The following METAP1D variants were observed in gnomAD, a reference collection of about 807,000 sequenced individuals.
METAP1D encodes the protein methionyl aminopeptidase type 1D, mitochondrial, also known as methionine aminopeptidase 1D, mitochondrial.
In METAP1D, 31 loss-of-function variants were observed where a neutral mutation model predicts 40.5. The observed-to-expected ratio is 0.77, with a 90% CI of 0.58 to 1.03. The LOEUF (loss-of-function observed/expected upper bound fraction) is 1.03, where lower values mean the gene tolerates loss of function less well. METAP1D is among the 50% of genes least tolerant of loss of function. The pLI is 0.00. For missense variants in METAP1D, 411 were observed against 420.7 expected (o/e 0.98, Z 0.20); for synonymous variants, 151 against 146.4 (o/e 1.03, Z -0.22).
chr2:172,070,690 T>G, intron 5 of METAP1D: 1 of 237,786 alleles, frequency 4.2e-6, no homozygotes, highest in South Asian at 8.8e-5. Context: ...CTAGTTAACA[T>G]AGTTGTTTTT....
chr2:172,048,191 A>G (rs747013862), intron 1 of METAP1D, among the ~76,000 whole-genome samples: 1 of 152,214 alleles, frequency 6.6e-6, no homozygotes, highest in South Asian at 2.1e-4. Flanking sequence ...TTTAAGTAGC[A>G]GCTCTGGGAC....
At chr2:172,061,036 G>A (rs749277900) in intron 1 of METAP1D, among the ~76,000 whole-genome samples, 26 of 152,122 alleles carry the variant, frequency 1.7e-4, no homozygotes, top group African/African-American at 5.8e-4. Flanking sequence ...CTCACTGCAC[G>A]TGAACTTAAC....
chr2:172,037,924 A>G (rs1689433779), intron 1 of METAP1D, among the ~76,000 whole-genome samples: 1 of 152,198 alleles, frequency 6.6e-6, no homozygotes, highest in Admixed American at 6.5e-5. Flanking sequence ...AAGAAGCTGA[A>G]GCAGCATGAG....
intron 1 of METAP1D, among the ~76,000 whole-genome samples, chr2:172,024,809 A>G (rs1689090729): frequency 6.7e-6 from 1 of 149,098 alleles, no homozygotes; most frequent in Non-Finnish European, 1.5e-5. Flanking sequence ...GAAGGGTCAA[A>G]AGGATAAGTT....
chr2:172,005,546 C>CT (rs373606194), intron 1 of METAP1D, among the ~76,000 whole-genome samples: 22,559 of 74,586 alleles, frequency 0.3, 3,558 homozygotes, highest in Non-Finnish European at 0.42. Context: ...ATATATATAT[C>CT]TTTTTTTTTT....
chr2:172,026,698 G>T (rs1689127647), intron 1 of METAP1D, among the ~76,000 whole-genome samples: 2 of 152,064 alleles, frequency 1.3e-5, no homozygotes, highest in African/African-American at 4.8e-5. Context: ...ATTTGTCCTA[G>T]TGTCCCCCAA....
chr2:172,075,985 A>T (rs1296280687), intron 6 of METAP1D, among the ~76,000 whole-genome samples: 1 of 152,206 alleles, frequency 6.6e-6, no homozygotes, highest in African/African-American at 2.4e-5. Context: ...ATGCTCTTAG[A>T]TATCTTTAGC....
At chr2:172,035,143 CTG>C (rs1260778612) in intron 1 of METAP1D, among the ~76,000 whole-genome samples, 4 of 111,132 alleles carry the variant, frequency 3.6e-5, no homozygotes, top group Non-Finnish European at 6.8e-5. Context: ...AACTACTGTA[CTG>C]TGTTTTTTTT....
chr2:172,079,926 T>A (rs1690659872), intron 8 of METAP1D, among the ~76,000 whole-genome samples: 1 of 152,246 alleles, frequency 6.6e-6, no homozygotes, highest in Non-Finnish European at 1.5e-5. Context: ...AATGGCGCAG[T>A]GTTTCCTCTT....
At chr2:172,029,837 C>T (rs953556079) in intron 1 of METAP1D, among the ~76,000 whole-genome samples, 6 of 152,164 alleles carry the variant, frequency 3.9e-5, no homozygotes, top group African/African-American at 1.4e-4. Context: ...TCACTGCAAC[C>T]TCCATCTCCC....
intron 1 of METAP1D, among the ~76,000 whole-genome samples, chr2:172,031,443 A>G (rs1258560648): frequency 1.3e-5 from 2 of 152,220 alleles, no homozygotes; most frequent in Non-Finnish European, 2.9e-5. Flanking sequence ...TTATAATAAT[A>G]AAATGTTTAG....
At chr2:172,016,504 C>G (rs1229229609) in intron 1 of METAP1D, among the ~76,000 whole-genome samples, 1 of 150,462 alleles carries the variant, frequency 6.6e-6, no homozygotes, top group Non-Finnish European at 1.5e-5. Flanking sequence ...ACCTGTAATC[C>G]CAGCTACTTG....
At chr2:172,079,758 G>C (rs907792149) in intron 8 of METAP1D, among the ~76,000 whole-genome samples, 3 of 152,086 alleles carry the variant, frequency 2.0e-5, no homozygotes, top group African/African-American at 4.8e-5. Flanking sequence ...TGAACATCTC[G>C]AGCATGTTTT....
chr2:172,034,584 T>TTCCTG (rs2105420705), intron 1 of METAP1D, among the ~76,000 whole-genome samples: 1 of 152,340 alleles, frequency 6.6e-6, no homozygotes, highest in South Asian at 2.1e-4. Context: ...TATTATGAAG[T>TTCCTG]TCCTGAAAGG....
At chr2:172,010,703 A>G (rs554008389) in intron 1 of METAP1D, among the ~76,000 whole-genome samples, 6 of 150,148 alleles carry the variant, frequency 4.0e-5, no homozygotes, top group African/African-American at 1.5e-4. Context: ...CATGTTGGCC[A>G]GGCTGGTCTT....
intron 1 of METAP1D, among the ~76,000 whole-genome samples, chr2:172,022,749 GGTGA>G (rs1689033955): frequency 6.6e-6 from 1 of 152,080 alleles, no homozygotes; most frequent in Non-Finnish European, 1.5e-5. Flanking sequence ...AAGATGGTAA[GGTGA>G]GTATTAGCAG....
At chr2:172,004,616 C>A (rs916566129) in intron 1 of METAP1D, among the ~76,000 whole-genome samples, 1 of 152,106 alleles carries the variant, frequency 6.6e-6, no homozygotes, top group Non-Finnish European at 1.5e-5. Flanking sequence ...TGAGCCACCA[C>A]GCCCAGCCGC....
chr2:172,057,808 T>A (rs1690035048), intron 1 of METAP1D, among the ~76,000 whole-genome samples: 1 of 152,228 alleles, frequency 6.6e-6, no homozygotes, highest in Non-Finnish European at 1.5e-5. Flanking sequence ...TTCATACAGT[T>A]TCTGTGAAGA....
chr2:172,001,450 A>C (rs7557717), intron 1 of METAP1D, among the ~76,000 whole-genome samples: 1 of 151,658 alleles, frequency 6.6e-6, no homozygotes, highest in Non-Finnish European at 1.5e-5. Context: ...AGGTAGGAAA[A>C]TTGCTTTAAC....
Sources: allele counts gnomAD v4.1 joint callset (sites outside exome capture counted in the v4.1 genomes callset), GRCh38; gene constraint gnomAD v4.1.1; transcripts MANE v1.5; gene names NCBI Gene and HGNC (gene_info 2026-07-23, HGNC 2026-07-21).